Variants in TENM3 observed in about 807,000 individuals in gnomAD.
The protein encoded by TENM3 is teneurin transmembrane protein 3, also known as teneurin-3.
In TENM3, 63 loss-of-function variants were observed where a neutral mutation model predicts 255.1. That is an observed-to-expected ratio of 0.25 (90% CI 0.20 to 0.30). The LOEUF (loss-of-function observed/expected upper bound fraction) is 0.30, where lower values mean the gene tolerates loss of function less well. TENM3 is among the 10% of genes least tolerant of loss of function. TENM3 has a pLI of 1.00. For missense variants in TENM3, 2,929 were observed against 3,461.1 expected, an observed-to-expected ratio of 0.85 and a Z score of 3.86; for synonymous variants, 1,306 against 1,322.3, an observed-to-expected ratio of 0.99 and a Z score of 0.27.
At chr4:182,403,260 T>A (rs1769325988) in intron 3 of TENM3, among the ~76,000 whole-genome samples, 1 of 152,212 alleles carries the variant, frequency 6.6e-6, no homozygotes, top group Admixed American at 6.5e-5. Context: ...TGACTATACT[T>A]TCATAGTTCA....
At chr4:181,456,127 ATG>A in the TENM3 span, among the ~76,000 whole-genome samples, 6,981 of 141,664 alleles carry the variant, frequency 0.049, 432 homozygotes, top group East Asian at 0.23. Flanking sequence ...ATATATATAT[ATG>A]TGTGTGTGTG....
rs954651386 is a variant in TENM3, at chr4:182,386,646, G to A, written c.511+39717G>A. Among the ~76,000 whole-genome samples, 30 of 152,234 alleles carry A rather than the reference G, an allele frequency of 2.0e-4. No individual in the cohort carries two copies. The East Asian group carries it at 4.8e-3, about 25-fold the overall frequency. ...GGTGGGCGTGGGCTTGGCGGGCCCC[G>A]CACTCGGAGCTGCCGGCCGGCCGGG... On this transcript the variant is annotated intron_variant, in intron 3 of 27. Coordinates refer to ENST00000511685, the MANE Select transcript of TENM3 (RefSeq NM_001080477.4).
chr4:182,219,553 T>C (rs1156618799), intron 1 of TENM3, among the ~76,000 whole-genome samples: 1 of 151,884 alleles, frequency 6.6e-6, no homozygotes. Context: ...TAATCCCAGC[T>C]ACTCAGGAAG....
the TENM3 span, among the ~76,000 whole-genome samples, chr4:182,059,797 G>A: frequency 6.6e-6 from 1 of 151,388 alleles, no homozygotes; most frequent in Admixed American, 6.6e-5. Flanking sequence ...ACTGGACATG[G>A]TAGTGCACAC....
chr4:181,726,718 T>A, the TENM3 span, among the ~76,000 whole-genome samples: 2 of 152,312 alleles, frequency 1.3e-5, no homozygotes, highest in South Asian at 4.1e-4. Context: ...TTCAGTTCAA[T>A]TCTGCCACCA....
chr4:182,669,195 A>G (rs1390443876), intron 6 of TENM3, among the ~76,000 whole-genome samples: 1 of 152,202 alleles, frequency 6.6e-6, no homozygotes, highest in Non-Finnish European at 1.5e-5. Flanking sequence ...AAGTCAACCA[A>G]AAGACAAAAA....
At chr4:182,674,646 C>A (rs1356716930) in intron 7 of TENM3, among the ~76,000 whole-genome samples, 1 of 151,528 alleles carries the variant, frequency 6.6e-6, no homozygotes, top group Non-Finnish European at 1.5e-5. Flanking sequence ...CACAATCTTA[C>A]CTCACTGTAG....
At chr4:181,508,181 T>C in the TENM3 span, among the ~76,000 whole-genome samples, 4 of 151,928 alleles carry the variant, frequency 2.6e-5, no homozygotes, top group African/African-American at 9.7e-5. Context: ...CAGAGTGGAG[T>C]TGCAGGCACA....
Position 182,561,834 on chromosome 4 carries a change from A to C in TENM3, c.512-39090A>C, listed in dbSNP as rs145938055. On this transcript the variant is annotated intron_variant, in intron 3 of 27. Coordinates refer to ENST00000511685, the MANE Select transcript of TENM3 (RefSeq NM_001080477.4). ...TTGTTATAAAAGAATGAACCTTCACAAGTATATATTATGTTGGTGAAAAAG... is the reference window on the plus strand; with the variant it reads ...TTGTTATAAAAGAATGAACCTTCACCAGTATATATTATGTTGGTGAAAAAG... Among the ~76,000 whole-genome samples the C allele has an allele frequency of 2.7e-3, 412 of 152,226 alleles. 1 individual carries two copies. The highest frequency in any genetic ancestry group is 9.1e-3 in the African/African-American group (379 of 41,568).
the TENM3 span, among the ~76,000 whole-genome samples, chr4:181,767,440 T>C: frequency 1.3e-5 from 2 of 152,094 alleles, no homozygotes; most frequent in Non-Finnish European, 2.9e-5. Context: ...ATAAGGTGGC[T>C]ATGATGTGTA....
At chr4:182,339,703 C>T (rs1053514443) in intron 2 of TENM3, among the ~76,000 whole-genome samples, 1 of 152,114 alleles carries the variant, frequency 6.6e-6, no homozygotes, top group Non-Finnish European at 1.5e-5. Context: ...TGACTCACCG[C>T]GGTGCTGCTT....
At chr4:182,696,563 A>G (rs1021904788) in intron 12 of TENM3, among the ~76,000 whole-genome samples, 3 of 152,084 alleles carry the variant, frequency 2.0e-5, no homozygotes, top group East Asian at 1.9e-4. Context: ...CATCTCTACT[A>G]AAAATACAAA....
chr4:181,760,986 A>ACG, the TENM3 span, among the ~76,000 whole-genome samples: 41 of 110,152 alleles, frequency 3.7e-4, no homozygotes, highest in South Asian at 1.5e-3. Context: ...ACACACACAC[A>ACG]CACACACACA....
intron 24 of TENM3, among the ~76,000 whole-genome samples, chr4:182,785,712 T>TTA (rs1765592090): frequency 3.3e-5 from 2 of 60,092 alleles, no homozygotes; most frequent in African/African-American, 1.3e-4. Flanking sequence ...TGTCTCAAGA[T>TTA]AAAAAAAAAA....
rs1738121024 is a variant in TENM3 at position 182,517,566 on chromosome 4, G to A, written c.512-83358G>A. 1.4e-5 allele frequency among the ~76,000 whole-genome samples: 2 copies of A among 144,804 alleles called. 1 individual carries two copies. Among genetic ancestry groups the A allele is most frequent in the Non-Finnish European group, 3.0e-5 (2 of 66,226 alleles). 95.0% of individuals were successfully genotyped at this position (144,804 alleles called of 152,430 possible). On this transcript the variant is annotated intron_variant, in intron 3 of 27. Transcript: ENST00000511685. ...GCCCGGCTAATTTTTTGTATTTTTA[G>A]TAGAGACGGGGTTTCACCGTGTTAG... is the stretch of plus-strand genomic sequence containing the variant.
rs574013349 is a variant in TENM3 at position 182,380,925 on chromosome 4, C to T, written c.511+33996C>T. 6.6e-5 allele frequency among the ~76,000 whole-genome samples: 10 copies of T among 152,326 alleles called. No individual in the cohort carries two copies. The South Asian group carries it at 1.9e-3, about 28-fold the overall frequency. ...CCTTCCTGACCTCATATGAAACCTC[C>T]TCTTGTTTGGCACCAGCGCATGGAG... On this transcript the variant is annotated intron_variant, in intron 3 of 27. Transcript: ENST00000511685.
chr4:181,917,329 A>C, the TENM3 span, among the ~76,000 whole-genome samples: 1 of 152,232 alleles, frequency 6.6e-6, no homozygotes, highest in Non-Finnish European at 1.5e-5. Flanking sequence ...GCCCAGTAGC[A>C]CTACCCCAGT....
chr4:181,648,303 G>A, the TENM3 span, among the ~76,000 whole-genome samples: 2 of 152,198 alleles, frequency 1.3e-5, no homozygotes, highest in East Asian at 1.9e-4. Context: ...TGCAAAGTTC[G>A]CACAAATTGT....
At chr4:182,333,740 T>G (rs1211598565) in intron 2 of TENM3, among the ~76,000 whole-genome samples, 1 of 152,162 alleles carries the variant, frequency 6.6e-6, no homozygotes, top group Non-Finnish European at 1.5e-5. Context: ...AATAAGAAAA[T>G]TAAATGATAT....
Sources: gnomAD v4.1 joint callset for allele counts (sites outside exome capture counted in the v4.1 genomes callset) on GRCh38, gnomAD v4.1.1 for gene constraint, MANE v1.5 for transcripts, NCBI Gene and HGNC (gene_info 2026-07-23, HGNC 2026-07-21) for gene names.